Variants in PLA2G4C observed in about 807,000 individuals in gnomAD.
PLA2G4C encodes cytosolic phospholipase A2 gamma.
PLA2G4C carries 64 observed loss-of-function variants against 73.8 expected under a neutral mutation model. The observed-to-expected ratio is 0.87, with a 90% confidence interval of 0.71 to 1.07. PLA2G4C has a LOEUF of 1.07. Among genes scored for constraint, PLA2G4C ranks in the 50% least tolerant of loss-of-function variants. The pLI, the probability that PLA2G4C is intolerant of heterozygous loss-of-function variation, is 0.00. For synonymous variants in PLA2G4C, 254 were observed against 252.1 expected (o/e 1.01, Z -0.07); for missense variants, 622 against 665.4 (o/e 0.93, Z 0.72).
At chr19:48,084,116 G>C (rs2030830880) in intron 10 of PLA2G4C, among the ~76,000 whole-genome samples, 1 of 151,044 alleles carries the variant, frequency 6.6e-6, no homozygotes, top group Non-Finnish European at 1.5e-5. Context: ...CTGGACTGTA[G>C]TGGTGTGATC....
In PLA2G4C at chr19:48,062,852, C is replaced by T. The variant is rs144247070; in HGVS notation, c.1103-700G>A. On this transcript the variant is annotated intron_variant, in intron 13 of 16. Coordinates refer to ENST00000599921, the MANE Select transcript of PLA2G4C (RefSeq NM_003706.3). The stretch of plus-strand genomic sequence containing the variant: ...GTTTATTTTGCCAAGGTTAAGGATG[C>T]ACAACCGTGACACAGCCTCAGGAGG... Among the ~76,000 whole-genome samples the T allele has an allele frequency of 3.0e-3, 464 of 152,236 alleles. 1 individual carries two copies. The highest frequency in any genetic ancestry group is 0.027 in the Middle Eastern group (8 of 294).
Position 48,053,037 on chromosome 19 carries a change from T to G in PLA2G4C, c.1540A>C (p.Asn514His). The change falls in exon 16 of 17, where the codon AAC becomes CAC. Residue 514 changes from asparagine (N) to histidine (H), a missense_variant. Asn to His is a moderately conservative substitution (Grantham distance 68). Transcript: ENST00000599921. Reference protein sequence around the residue: ...LALAKKNVRENKKKILRELMN... With the variant: ...LALAKKNVREHKKKILRELMN... ...AACTCTCTAAGGATCTTCTTCTTGT[T>G]TTCCCTGACATTCTTCTTGGCTAAT... 6.2e-7 allele frequency: 1 copy of G among 1,613,630 alleles called. No homozygotes were observed. The highest frequency in any genetic ancestry group is 1.1e-5 in the South Asian group (1 of 90,996).
intron 10 of PLA2G4C, among the ~76,000 whole-genome samples, chr19:48,084,755 T>C (rs394735): frequency 0.065 from 9,873 of 152,262 alleles, 643 homozygotes; most frequent in African/African-American, 0.17. Context: ...CTACTATTAT[T>C]ATCACCCACA....
intron 14 of PLA2G4C, among the ~76,000 whole-genome samples, chr19:48,055,957 C>T (rs906648801): frequency 6.6e-6 from 1 of 151,948 alleles, no homozygotes; most frequent in Non-Finnish European, 1.5e-5. Context: ...ACTTGCTGCA[C>T]TTGAAGAAAG....
intron 13 of PLA2G4C, among the ~76,000 whole-genome samples, chr19:48,067,272 A>G (rs1396050179): frequency 1.3e-5 from 2 of 151,212 alleles, no homozygotes; most frequent in Non-Finnish European, 2.9e-5. Flanking sequence ...GGTTCAAACG[A>G]TTCTCCTGCC....
intron 14 of PLA2G4C, among the ~76,000 whole-genome samples, chr19:48,060,559 G>A (rs1568424869): frequency 6.6e-6 from 1 of 152,172 alleles, no homozygotes; most frequent in African/African-American, 2.4e-5. Context: ...CAGATCTCCT[G>A]CGAGCCAGAT....
rs2030027593 is a variant in PLA2G4C at position 48,074,818 on chromosome 19, T to C, written c.955A>G (p.Arg319Gly). Residue 319 changes from arginine to glycine, a missense_variant, in exon 12 of 17, where the codon AGG (arginine) becomes GGG (glycine). Physicochemically the swap from Arg to Gly is moderately radical, Grantham distance 125. Transcript: ENST00000599921. ...WLTEMLENWT[R>G]TSLEKQEQPH... is the part of the protein sequence containing the mutation. ...TGCTCCTGCTTTTCCAGGGAGGTCC[T>C]GGTCCAATTCTCGAGCATCTCAGTC... 1 of 1,613,546 alleles carries C rather than the reference T, an allele frequency of 6.2e-7. No individual in the cohort carries two copies. The highest frequency in any genetic ancestry group is 8.5e-7 in the Non-Finnish European group (1 of 1,179,680).
chr19:48,094,192 A>G (rs1049036688), intron 7 of PLA2G4C, among the ~76,000 whole-genome samples: 7 of 152,204 alleles, frequency 4.6e-5, no homozygotes, highest in African/African-American at 1.7e-4. Flanking sequence ...ATCTCCTGTC[A>G]GAAGCTCTGA....
chr19:48,069,367 A>C lies in PLA2G4C; in HGVS notation c.1007-1481T>G, dbSNP rs553998192. Among the ~76,000 whole-genome samples the C allele has an allele frequency of 3.2e-4, 48 of 152,242 alleles. 1 individual carries two copies. The highest frequency in any genetic ancestry group is 1.7e-3 in the South Asian group (8 of 4,820). ...CGCAGAATGTTCCAGGAGCTGTTCCAAAATGCCCAGCACACTTTCCCGTGC... is the reference window on the plus strand; with the variant it reads ...CGCAGAATGTTCCAGGAGCTGTTCCCAAATGCCCAGCACACTTTCCCGTGC... On this transcript the variant is annotated intron_variant, in intron 12 of 16. Coordinates refer to ENST00000599921, the MANE Select transcript of PLA2G4C (RefSeq NM_003706.3).
At chr19:48,087,191 CT>C in intron 9 of PLA2G4C, among the ~76,000 whole-genome samples, 1 of 152,308 alleles carries the variant, frequency 6.6e-6, no homozygotes. Flanking sequence ...GATCTTTCTG[CT>C]GGTGGGAAGT....
rs188844875 is a variant in PLA2G4C, at chr19:48,067,710, T to C, written c.1102+81A>G. 263 of 947,584 alleles carry C rather than the reference T, an allele frequency of 2.8e-4. 1 individual carries two copies. The African/African-American group carries it at 4.0e-3, about 14-fold the overall frequency. The allele number at this position is 947,584 out of a possible 1,614,324, so 58.7% of individuals were successfully genotyped here. A position where few individuals can be genotyped will look rare whatever the true frequency, so the allele number is the denominator to read the frequency against. On this transcript the variant is annotated intron_variant, in intron 13 of 16. Transcript: ENST00000599921. ...CTGGGGAAGGACCAGCCTGGGATTG[T>C]TTCAGGCCCACCCCCTTCCCCTACT...
At chr19:48,103,989 AG>A (rs1309004227) in intron 4 of PLA2G4C, 1 of 152,172 alleles carries the variant, frequency 6.6e-6, no homozygotes, top group Middle Eastern at 3.2e-3. Flanking sequence ...ATGCAGCCTC[AG>A]CCTCCCAGGC....
At chr19:48,104,431 G>A in intron 4 of PLA2G4C, 157 bp downstream of exon 4, 1 of 665,964 alleles carries the variant, frequency 1.5e-6, no homozygotes, top group South Asian at 1.9e-5. Flanking sequence ...ACTCCAGGTA[G>A]CCAGCGTCAG....
intron 10 of PLA2G4C, among the ~76,000 whole-genome samples, chr19:48,080,803 C>CAAAAA (rs200460762): frequency 6.9e-5 from 8 of 115,744 alleles, no homozygotes; most frequent in African/African-American, 2.6e-4. Context: ...GACTCTGCCT[C>CAAAAA]AAAAAAAAAA....
intron 7 of PLA2G4C, among the ~76,000 whole-genome samples, chr19:48,095,054 A>T (rs1328884596): frequency 1.3e-5 from 2 of 152,108 alleles, no homozygotes; most frequent in Non-Finnish European, 2.9e-5. Context: ...TGCCTGGCTA[A>T]TTTTTAAATC....
Position 48,083,392 on chromosome 19 carries a change from C to CT in PLA2G4C, c.844+1666dup. On this transcript the variant is annotated intron_variant, in intron 10 of 16. Coordinates refer to ENST00000599921, the MANE Select transcript of PLA2G4C (RefSeq NM_003706.3). ...TTGTTGTTGTTGTTGATTTTCTTTT[C>CT]TTTTTTTTTTTTTTTTTGTTTGTTT... Among the ~76,000 whole-genome samples, 222 of 105,822 alleles carry CT rather than the reference C, an allele frequency of 2.1e-3. 1 individual carries two copies. Among genetic ancestry groups the CT allele is most frequent in the East Asian group, 0.015 (53 of 3,604 alleles). The allele number at this position is 105,822 out of a possible 152,430, so 69.4% of individuals were successfully genotyped here.
In PLA2G4C at chr19:48,106,536, CT is replaced by C; in HGVS notation, c.-8del. 1 of 1,613,120 alleles carries C rather than the reference CT, an allele frequency of 6.2e-7. No homozygotes were observed. The highest frequency in any genetic ancestry group is 2.2e-5 in the East Asian group (1 of 44,864). The stretch of plus-strand genomic sequence containing the variant: ...AGAGGACTTACCTTCCCATGGTGCA[CT>C]GCGGTCAGAAAATTCTCAGTCCTCC... On this transcript the variant is annotated 5_prime_UTR_variant, in exon 2 of 17. Transcript: ENST00000599921.
rs1217131169 is a variant in PLA2G4C, at chr19:48,057,456, TTTCTTC to T, written c.1258-2413_1258-2408del. On this transcript the variant is annotated intron_variant, in intron 14 of 16. Transcript: ENST00000599921. ...AAAGGAGATGCAGTCTCAACAAGTGTTTCTTCTTCTTCTTCTTCTTCTTCTTCTTTT... is the reference window on the plus strand; with the variant it reads ...AAAGGAGATGCAGTCTCAACAAGTGTTTCTTCTTCTTCTTCTTCTTCTTTT... Among the ~76,000 whole-genome samples the T allele has an allele frequency of 1.2e-3, 70 of 57,388 alleles. 2 individuals are homozygous for T. The highest frequency in any genetic ancestry group is 3.0e-3 in the South Asian group (3 of 984). 37.6% of individuals were successfully genotyped at this position (57,388 alleles called of 152,430 possible).
chr19:48,105,082 CAAA>C (rs3083068), intron 3 of PLA2G4C, among the ~76,000 whole-genome samples: 43 of 87,602 alleles, frequency 4.9e-4, no homozygotes, highest in African/African-American at 1.6e-3. Flanking sequence ...GACGTTGTCT[CAAA>C]AAAAAAAAAA....
Sources: gnomAD v4.1 joint callset for allele counts (sites outside exome capture counted in the v4.1 genomes callset) on GRCh38, gnomAD v4.1.1 for gene constraint, MANE v1.5 for transcripts, NCBI Gene and HGNC (gene_info 2026-07-23, HGNC 2026-07-21) for gene names.